GLIS1: variants seen among roughly 807,000 people sequenced by gnomAD.
GLIS1 encodes the protein GLIS family zinc finger 1.
In GLIS1, 24 loss-of-function variants were observed where a neutral mutation model predicts 63.8. The observed-to-expected ratio is 0.38, with a 90% CI of 0.27 to 0.53. The LOEUF (loss-of-function observed/expected upper bound fraction) is 0.53. GLIS1 is among the 20% of genes least tolerant of loss of function. The probability of loss-of-function intolerance (pLI) is 0.85; values close to 1 mark genes in which losing one functional copy is unlikely to be tolerated. For synonymous variants in GLIS1, 450 were observed against 482.5 expected (o/e 0.93, Z 0.88); for missense variants, 1,036 against 1,074.1 (o/e 0.96, Z 0.50).
chr1:53,733,645 G>C (rs1646885922), intron 2 of GLIS1, among the ~76,000 whole-genome samples: 1 of 152,144 alleles, frequency 6.6e-6, no homozygotes, highest in South Asian at 2.1e-4. Flanking sequence ...AGATTTGTCG[G>C]ATACATAACT....
Position 53,629,150 on chromosome 1 carries a change from T to C in GLIS1, c.260-28872A>G, listed in dbSNP as rs1449539907. Among the ~76,000 whole-genome samples the C allele has an allele frequency of 5.9e-5, 9 of 152,138 alleles. No homozygotes were observed. In the South Asian group the frequency reaches 1.9e-3, roughly 32 times the overall value. On this transcript the variant is annotated intron_variant, in intron 2 of 10. Coordinates refer to ENST00000628545, the MANE Select transcript of GLIS1 (RefSeq NM_001367484.1). ...ATACAGCCCAGGCTCTCCAGCTATC[T>C]ACCCTTACCGTGATGTGCCAAGGAT...
chr1:53,525,001 A>C (rs1644451131), intron 5 of GLIS1, 114 bp from the exon 6 acceptor site: 1 of 777,092 alleles, frequency 1.3e-6, no homozygotes, highest in African/African-American at 1.7e-5. Context: ...GCAGGCCAAG[A>C]GTACTCTGCC....
intron 4 of GLIS1, among the ~76,000 whole-genome samples, chr1:53,541,005 C>T (rs568081634): frequency 6.6e-6 from 1 of 152,348 alleles, no homozygotes; most frequent in African/African-American, 2.4e-5. Context: ...CTGAGACCTC[C>T]ATCTTGCGAG....
chr1:53,635,824 A>G (rs1422610048), intron 2 of GLIS1, among the ~76,000 whole-genome samples: 1 of 152,262 alleles, frequency 6.6e-6, no homozygotes, highest in Non-Finnish European at 1.5e-5. Context: ...GAATATTTCA[A>G]GCAAATAATT....
chr1:53,558,254 G>A (rs1250203494), intron 4 of GLIS1, among the ~76,000 whole-genome samples: 2 of 152,236 alleles, frequency 1.3e-5, no homozygotes, highest in Non-Finnish European at 2.9e-5. Flanking sequence ...GACCTCTCCA[G>A]GCAGGCCAAG....
chr1:53,732,820 A>G (rs1395940411), intron 2 of GLIS1, among the ~76,000 whole-genome samples: 1 of 152,158 alleles, frequency 6.6e-6, no homozygotes, highest in Non-Finnish European at 1.5e-5. Flanking sequence ...AAAAAATAAC[A>G]AACCACACAT....
At chr1:53,689,739 A>G (rs1646381524) in intron 2 of GLIS1, among the ~76,000 whole-genome samples, 1 of 152,140 alleles carries the variant, frequency 6.6e-6, no homozygotes, top group Admixed American at 6.5e-5. Context: ...TCCCCTGTCC[A>G]GGAGCATGGC....
At chr1:53,627,983 T>C (rs1415650862) in intron 2 of GLIS1, among the ~76,000 whole-genome samples, 1 of 152,134 alleles carries the variant, frequency 6.6e-6, no homozygotes, top group Non-Finnish European at 1.5e-5. Context: ...TTCTGCCCAA[T>C]AGAATTTAGG....
chr1:53,517,982 G>A (rs1212426766), intron 7 of GLIS1, among the ~76,000 whole-genome samples: 1 of 152,230 alleles, frequency 6.6e-6, no homozygotes. Context: ...GGGCCTGATG[G>A]GCTCTCCCCA....
chr1:53,656,567 A>C (rs933302316), intron 2 of GLIS1, among the ~76,000 whole-genome samples: 1 of 152,262 alleles, frequency 6.6e-6, no homozygotes, highest in Non-Finnish European at 1.5e-5. Context: ...CTAGACATGA[A>C]GAACACATCT....
chr1:53,638,690 C>G (rs12062636), intron 2 of GLIS1, among the ~76,000 whole-genome samples: 7,224 of 152,260 alleles, frequency 0.047, 463 homozygotes, highest in African/African-American at 0.15. Context: ...ACCTGGCCAG[C>G]CTACCTCCCT....
rs372156406 is a variant in GLIS1 at position 53,531,180 on chromosome 1, G to A, written c.1321-1228C>T. On this transcript the variant is annotated intron_variant, in intron 4 of 10. Transcript: ENST00000628545. ...ACCCTTGAGGAGGAAGGGACCAGAGGAGGCTGGCCCCCTCTCATGAGCCAT... is the reference window on the plus strand; with the variant it reads ...ACCCTTGAGGAGGAAGGGACCAGAGAAGGCTGGCCCCCTCTCATGAGCCAT... Among the ~76,000 whole-genome samples the A allele has an allele frequency of 2.8e-4, 42 of 152,356 alleles. No individual in the cohort carries two copies. The East Asian group carries it at 7.0e-3, about 25-fold the overall frequency.
intron 2 of GLIS1, among the ~76,000 whole-genome samples, chr1:53,723,661 G>A (rs1039143058): frequency 6.6e-6 from 1 of 152,150 alleles, no homozygotes; most frequent in African/African-American, 2.4e-5. Context: ...AGTCATTACT[G>A]GGGGGTGAGA....
chr1:53,600,856 C>T (rs1264994675), intron 2 of GLIS1, among the ~76,000 whole-genome samples: 1 of 152,252 alleles, frequency 6.6e-6, no homozygotes, highest in Non-Finnish European at 1.5e-5. Flanking sequence ...TGCAATTATA[C>T]CTCGCTATTG....
intron 10 of GLIS1, among the ~76,000 whole-genome samples, chr1:53,508,768 A>G (rs951844870): frequency 1.3e-5 from 2 of 152,194 alleles, no homozygotes; most frequent in African/African-American, 4.8e-5. Context: ...ATTCCCTGCT[A>G]TATCCCCAGG....
intron 2 of GLIS1, among the ~76,000 whole-genome samples, chr1:53,692,924 T>C (rs1434765878): frequency 6.6e-6 from 1 of 152,208 alleles, no homozygotes; most frequent in East Asian, 1.9e-4. Flanking sequence ...GGCCTCTCTG[T>C]CAATGGACTC....
chr1:53,521,637 C>T (rs1231655817), intron 6 of GLIS1, among the ~76,000 whole-genome samples: 1 of 152,184 alleles, frequency 6.6e-6, no homozygotes, highest in Admixed American at 6.5e-5. Flanking sequence ...GGCCGAGCCC[C>T]ATCTGGTCAC....
chr1:53,516,847 C>T (rs1644358165), intron 7 of GLIS1, among the ~76,000 whole-genome samples: 1 of 151,964 alleles, frequency 6.6e-6, no homozygotes, highest in East Asian at 1.9e-4. Context: ...ACCACCACCA[C>T]CACCGAAAAG....
At chr1:53,600,351 C>G in intron 2 of GLIS1, 73 bp from the exon 3 acceptor site, 2 of 1,023,478 alleles carry the variant, frequency 2.0e-6, no homozygotes, top group Non-Finnish European at 2.5e-6. Flanking sequence ...GGGGAGAGGG[C>G]AGTCCCTGGG....
Sources: allele counts gnomAD v4.1 joint callset (sites outside exome capture counted in the v4.1 genomes callset), GRCh38; gene constraint gnomAD v4.1.1; transcripts MANE v1.5; gene names NCBI Gene and HGNC (gene_info 2026-07-23, HGNC 2026-07-21).